Variants in TBC1D1 observed in about 807,000 individuals in gnomAD.
The protein encoded by TBC1D1 is TBC1 domain family member 1, also known as TBC1 (tre-2/USP6, BUB2, cdc16) domain family, member 1.
A neutral mutation model predicts 125.6 loss-of-function variants in TBC1D1; 89 were observed. The ratio of observed to expected loss-of-function variants is 0.71; its 90% CI spans 0.60 to 0.85. The LOEUF is 0.85. TBC1D1 is among the 40% of genes least tolerant of loss of function. The pLI is 0.00. For synonymous variants in TBC1D1, 565 were observed against 564.1 expected, an observed-to-expected ratio of 1.00 and a Z score of -0.02; for missense variants, 1,377 against 1,469.2, an observed-to-expected ratio of 0.94 and a Z score of 1.03.
At position 38,014,410 on chromosome 4, in the gene TBC1D1, G is replaced by T; in HGVS notation, c.418-99G>T. ...GCTCCTCCTCCAGTGCTCCGCAGTGGAGTAGCCAGCGGGGCGTCCCGAAAG... is the reference window on the plus strand; with the variant it reads ...GCTCCTCCTCCAGTGCTCCGCAGTGTAGTAGCCAGCGGGGCGTCCCGAAAG... On this transcript the variant is annotated intron_variant, in intron 2 of 19. Transcript: ENST00000261439. This position sits in a 1 kb window ranked among gnomAD's most constrained non-coding sequence, Gnocchi z 5.1. 1 of 1,200,130 alleles carries T rather than the reference G, an allele frequency of 8.3e-7. No homozygotes were observed. Among genetic ancestry groups the T allele is most frequent in the Non-Finnish European group, 1.2e-6 (1 of 837,964 alleles). 74.3% of individuals were successfully genotyped at this position (1,200,130 alleles called of 1,614,324 possible). A position where few individuals can be genotyped will look rare whatever the true frequency, so the allele number is the denominator to read the frequency against.
chr4:38,078,621 C>T (rs1756005243), intron 12 of TBC1D1, among the ~76,000 whole-genome samples: 1 of 152,222 alleles, frequency 6.6e-6, no homozygotes, highest in African/African-American at 2.4e-5. Context: ...CTTCCTCTCT[C>T]TTCACCCTGT....
chr4:38,025,637 A>G (rs1470494357), intron 6 of TBC1D1, among the ~76,000 whole-genome samples: 6 of 152,166 alleles, frequency 3.9e-5, no homozygotes, highest in Non-Finnish European at 8.8e-5. Flanking sequence ...CCACATCTGA[A>G]TGTTTCATGA....
intron 8 of TBC1D1, 124 bp downstream of exon 8, chr4:38,035,822 T>C (rs1388090321): frequency 2.7e-6 from 2 of 747,814 alleles, no homozygotes; most frequent in Non-Finnish European, 4.5e-6. Context: ...TTTTCCTTTG[T>C]TGCACATAGA....
intron 2 of TBC1D1, among the ~76,000 whole-genome samples, chr4:37,941,818 A>C (rs1232633794): frequency 1.3e-5 from 2 of 152,038 alleles, no homozygotes; most frequent in Non-Finnish European, 2.9e-5. Flanking sequence ...TTCAGTTTCC[A>C]TGTAGTTGAG....
intron 2 of TBC1D1, among the ~76,000 whole-genome samples, chr4:37,985,569 C>A (rs1346283771): frequency 1.3e-5 from 2 of 152,154 alleles, no homozygotes; most frequent in African/African-American, 4.8e-5. Context: ...TTAATATATA[C>A]TTGTTTTGTA....
chr4:38,110,433 TAAAG>T, intron 15 of TBC1D1: 2 of 985,370 alleles, frequency 2.0e-6, no homozygotes, highest in South Asian at 4.7e-5. Flanking sequence ...CTCCAAGTGA[TAAAG>T]AAGGAAAAGA....
In TBC1D1 at chr4:37,995,983, C is replaced by T; in HGVS notation, c.418-18526C>T. On this transcript the variant is annotated intron_variant, in intron 2 of 19. Coordinates refer to ENST00000261439, the MANE Select transcript of TBC1D1 (RefSeq NM_015173.4). This position sits in a 1 kb window ranked among gnomAD's most constrained non-coding sequence, Gnocchi z 4.3. ...TTCTCTTGCCTCTCTGTTTCTACCT[C>T]ATCCTTGGGTGGGGGTTCTGGGATG... is the stretch of plus-strand genomic sequence containing the variant. 2 of 541,090 alleles carry T rather than the reference C, an allele frequency of 3.7e-6. No individual in the cohort carries two copies. The highest frequency in any genetic ancestry group is 2.8e-5 in the South Asian group (2 of 71,220). The allele number at this position is 541,090 out of a possible 1,614,324, so 33.5% of individuals were successfully genotyped here. A position where few individuals can be genotyped will look rare whatever the true frequency, so the allele number is the denominator to read the frequency against.
intron 2 of TBC1D1, among the ~76,000 whole-genome samples, chr4:37,923,279 T>C (rs191924879): frequency 1.5e-3 from 225 of 152,342 alleles, no homozygotes; most frequent in African/African-American, 5.1e-3. Flanking sequence ...GCAAAGGACA[T>C]GAACTCATCC....
At chr4:37,948,964 T>C (rs918528713) in intron 2 of TBC1D1, among the ~76,000 whole-genome samples, 3 of 152,274 alleles carry the variant, frequency 2.0e-5, no homozygotes, top group African/African-American at 7.2e-5. Flanking sequence ...TTTCCTTTTA[T>C]GGATGAATAA....
intron 18 of TBC1D1, among the ~76,000 whole-genome samples, chr4:38,127,013 AGCTTTT>A (rs1764764723): frequency 1.3e-5 from 2 of 151,042 alleles, no homozygotes; most frequent in Admixed American, 1.3e-4. Context: ...CTCTTCTTAC[AGCTTTT>A]GTTGCATGTA....
intron 12 of TBC1D1, among the ~76,000 whole-genome samples, chr4:38,080,804 A>G (rs538643238): frequency 6.6e-6 from 1 of 152,252 alleles, no homozygotes; most frequent in South Asian, 2.1e-4. Flanking sequence ...TGGCCTGCTC[A>G]GCTGTCTCCT....
chr4:38,085,514 G>T (rs1462169423), intron 12 of TBC1D1, among the ~76,000 whole-genome samples: 10 of 152,186 alleles, frequency 6.6e-5, no homozygotes, highest in Non-Finnish European at 1.5e-5. Context: ...TTACACTGGG[G>T]GACTGGAACC....
At chr4:37,918,773 G>GTCTC (rs1720273969) in intron 2 of TBC1D1, among the ~76,000 whole-genome samples, 1 of 152,076 alleles carries the variant, frequency 6.6e-6, no homozygotes, top group African/African-American at 2.4e-5. Context: ...AAGCCTAGCC[G>GTCTC]TACAATTTTT....
intron 15 of TBC1D1, among the ~76,000 whole-genome samples, chr4:38,103,887 C>T (rs1316597321): frequency 6.6e-6 from 1 of 151,450 alleles, no homozygotes; most frequent in Non-Finnish European, 1.5e-5. Flanking sequence ...TGGCCGGGCA[C>T]AGTGGCTCAC....
intron 7 of TBC1D1, among the ~76,000 whole-genome samples, chr4:38,029,961 T>C (rs1029477852): frequency 6.6e-6 from 1 of 152,242 alleles, no homozygotes; most frequent in African/African-American, 2.4e-5. Flanking sequence ...ATGGACAATA[T>C]GCTTCTGATT....
chr4:38,002,007 C>T (rs898119211), intron 2 of TBC1D1, among the ~76,000 whole-genome samples: 4 of 152,166 alleles, frequency 2.6e-5, no homozygotes, highest in East Asian at 1.9e-4. Context: ...ATAGGCTTCA[C>T]CAGGCTGTGA....
intron 7 of TBC1D1, among the ~76,000 whole-genome samples, chr4:38,032,160 A>G (rs1746284597): frequency 6.6e-6 from 1 of 152,132 alleles, no homozygotes; most frequent in Admixed American, 6.5e-5. Flanking sequence ...CTCTATGGCA[A>G]ATACAAAAAT....
At chr4:38,093,369 C>T (rs1758749703) in intron 13 of TBC1D1, among the ~76,000 whole-genome samples, 1 of 152,130 alleles carries the variant, frequency 6.6e-6, no homozygotes, top group South Asian at 2.1e-4. Flanking sequence ...TATGTCATCT[C>T]AGTCTACCTC....
chr4:38,014,142 A>G lies in TBC1D1; in HGVS notation c.418-367A>G, dbSNP rs1742100974. Among the ~76,000 whole-genome samples the G allele has an allele frequency of 6.6e-6, 1 of 152,176 alleles. No individual in the cohort carries two copies. The highest frequency in any genetic ancestry group is 2.1e-4 in the South Asian group (1 of 4,826). ...GACAGCTTCTCCAGAGGAGGCCTTT[A>G]GCTTTGGAGTGGGACCAGCCTGGGC... is the stretch of plus-strand genomic sequence containing the variant. On this transcript the variant is annotated intron_variant, in intron 2 of 19. Coordinates refer to ENST00000261439, the MANE Select transcript of TBC1D1 (RefSeq NM_015173.4). The surrounding 1 kb of genome is among the most constrained non-coding windows in gnomAD (Gnocchi z 5.1).
Sources: gnomAD v4.1 joint callset for allele counts (sites outside exome capture counted in the v4.1 genomes callset) on GRCh38, gnomAD v4.1.1 for gene constraint, Gnocchi (gnomAD v3.1) non-coding constraint, MANE v1.5 for transcripts, NCBI Gene and HGNC (gene_info 2026-07-23, HGNC 2026-07-21) for gene names.